CSMD1: variants seen among roughly 807,000 people sequenced by gnomAD.
CSMD1 encodes CUB and Sushi multiple domains 1.
Under a neutral mutation model 417.5 loss-of-function variants are expected in CSMD1, and 213 were observed. That is an observed-to-expected ratio of 0.51 (90% CI 0.46 to 0.57). The LOEUF (loss-of-function observed/expected upper bound fraction) is 0.57. Ranked by LOEUF, CSMD1 falls within the 20% of genes least tolerant of loss-of-function variation. The pLI, the probability that CSMD1 is intolerant of heterozygous loss-of-function variation, is 0.00. For missense variants in CSMD1, 6,923 were observed against 4,529.7 expected (o/e 1.53, Z -15.17); for synonymous variants, 2,862 against 1,736.8 (o/e 1.65, Z -16.11).
chr8:3,951,208 G>T (rs1422808670), intron 5 of CSMD1, among the ~76,000 whole-genome samples: 1 of 152,204 alleles, frequency 6.6e-6, no homozygotes, highest in Non-Finnish European at 1.5e-5. Context: ...TGTATAGGTA[G>T]TTTGTGGGGA....
chr8:4,475,606 T>G (rs189829114), intron 2 of CSMD1, among the ~76,000 whole-genome samples: 1 of 150,094 alleles, frequency 6.7e-6, no homozygotes, highest in Non-Finnish European at 1.5e-5. Flanking sequence ...GGGTTTTTTT[T>G]CTTTTTCTTT....
intron 2 of CSMD1, among the ~76,000 whole-genome samples, chr8:4,475,302 C>T (rs192210065): frequency 6.6e-6 from 1 of 152,252 alleles, no homozygotes; most frequent in Non-Finnish European, 1.5e-5. Flanking sequence ...CTAAATATTA[C>T]AAGCATGTCT....
intron 1 of CSMD1, among the ~76,000 whole-genome samples, chr8:4,855,178 C>A (rs10481357): frequency 6.9e-6 from 1 of 145,462 alleles, no homozygotes; most frequent in Admixed American, 7.4e-5. Flanking sequence ...CGGCAGGGTA[C>A]TCCAACAGAC....
chr8:4,162,651 A>G (rs1173312036), intron 3 of CSMD1, among the ~76,000 whole-genome samples: 1 of 152,174 alleles, frequency 6.6e-6, no homozygotes, highest in Non-Finnish European at 1.5e-5. Context: ...CTGATATGTC[A>G]TGTAACACCT....
At chr8:3,807,400 G>A (rs1800806608) in intron 5 of CSMD1, among the ~76,000 whole-genome samples, 1 of 150,658 alleles carries the variant, frequency 6.6e-6, no homozygotes, top group Non-Finnish European at 1.5e-5. Context: ...ATTCAATACT[G>A]TATTCAGCAG....
intron 26 of CSMD1, among the ~76,000 whole-genome samples, chr8:3,239,508 G>A (rs1351708908): frequency 1.3e-5 from 2 of 152,338 alleles, no homozygotes; most frequent in South Asian, 4.1e-4. Context: ...GGCATGTTGA[G>A]TAAAGCTAAT....
chr8:3,047,178 C>T (rs1409721605), intron 50 of CSMD1, among the ~76,000 whole-genome samples: 1 of 138,636 alleles, frequency 7.2e-6, no homozygotes, highest in African/African-American at 2.8e-5. Flanking sequence ...CACACCACTG[C>T]ACTTCAGCCC....
chr8:4,272,722 T>C (rs989149110), intron 3 of CSMD1, among the ~76,000 whole-genome samples: 1 of 152,182 alleles, frequency 6.6e-6, no homozygotes, highest in Non-Finnish European at 1.5e-5. Context: ...TCTGTAATTC[T>C]TGACTGTACA....
intron 20 of CSMD1, among the ~76,000 whole-genome samples, chr8:3,361,663 A>AC (rs1389310716): frequency 9.3e-5 from 14 of 150,384 alleles, no homozygotes; most frequent in African/African-American, 2.7e-4. Flanking sequence ...AAAAAAAAAA[A>AC]AAAAAAAAAC....
intron 41 of CSMD1, among the ~76,000 whole-genome samples, chr8:3,127,158 G>A (rs973798041): frequency 3.3e-5 from 5 of 152,132 alleles, no homozygotes; most frequent in Admixed American, 6.5e-5. Flanking sequence ...TTTCTGTCTC[G>A]TACATGGTTG....
intron 2 of CSMD1, among the ~76,000 whole-genome samples, chr8:4,575,810 G>C (rs1318458239): frequency 1.3e-5 from 2 of 152,184 alleles, no homozygotes; most frequent in East Asian, 1.9e-4. Context: ...TAACAAGCTA[G>C]TCTGAGGTCG....
intron 2 of CSMD1, among the ~76,000 whole-genome samples, chr8:4,636,615 T>A (rs746223921): frequency 6.6e-6 from 1 of 152,228 alleles, no homozygotes; most frequent in African/African-American, 2.4e-5. Context: ...TGGTGTATTA[T>A]AATTTTATTT....
chr8:4,013,343 A>C (rs1460882492), intron 4 of CSMD1, among the ~76,000 whole-genome samples: 1 of 152,148 alleles, frequency 6.6e-6, no homozygotes, highest in Non-Finnish European at 1.5e-5. Flanking sequence ...TCTCAAGGCC[A>C]AACACCTGGT....
At chr8:4,207,610 G>A (rs937419121) in intron 3 of CSMD1, among the ~76,000 whole-genome samples, 1 of 152,048 alleles carries the variant, frequency 6.6e-6, no homozygotes, top group Non-Finnish European at 1.5e-5. Flanking sequence ...AATTCAGTAA[G>A]ACTGGCAACA....
intron 3 of CSMD1, among the ~76,000 whole-genome samples, chr8:4,395,764 A>G (rs1399791140): frequency 6.6e-6 from 1 of 152,150 alleles, no homozygotes; most frequent in East Asian, 1.9e-4. Flanking sequence ...TTGTAAAAAA[A>G]AATGCTAAGT....
At chr8:3,470,519 T>C (rs1033403162) in intron 11 of CSMD1, among the ~76,000 whole-genome samples, 1 of 152,176 alleles carries the variant, frequency 6.6e-6, no homozygotes, top group African/African-American at 2.4e-5. Flanking sequence ...ACTTTCCCTG[T>C]TTTATTCGTA....
At chr8:3,492,814 C>G (rs1308450681) in intron 11 of CSMD1, among the ~76,000 whole-genome samples, 2 of 152,064 alleles carry the variant, frequency 1.3e-5, no homozygotes, top group East Asian at 3.9e-4. Flanking sequence ...CAAAGGTACA[C>G]TGAGTCACCC....
intron 3 of CSMD1, among the ~76,000 whole-genome samples, chr8:4,114,450 G>C (rs562474905): frequency 6.6e-6 from 1 of 152,168 alleles, no homozygotes; most frequent in African/African-American, 2.4e-5. Context: ...GAAGAGCTTG[G>C]ACAGAGATGC....
At chr8:4,393,492 T>C (rs983292881) in intron 3 of CSMD1, among the ~76,000 whole-genome samples, 6 of 152,206 alleles carry the variant, frequency 3.9e-5, no homozygotes, top group Non-Finnish European at 7.3e-5. Flanking sequence ...GCAGCCACTA[T>C]GTAGATTTAA....
Sources: allele counts gnomAD v4.1 joint callset (sites outside exome capture counted in the v4.1 genomes callset), GRCh38; gene constraint gnomAD v4.1.1; transcripts MANE v1.5; gene names NCBI Gene and HGNC (gene_info 2026-07-23, HGNC 2026-07-21).